RNF32: variants seen among roughly 807,000 people sequenced by gnomAD.
The protein encoded by RNF32 is ring finger protein 32.
A neutral mutation model predicts 41.0 loss-of-function variants in RNF32; 36 were observed. The ratio of observed to expected loss-of-function variants is 0.88; its 90% confidence interval spans 0.67 to 1.16. RNF32 has a LOEUF of 1.16. Among genes scored for constraint, RNF32 ranks in the 50% most tolerant of loss-of-function variants. The probability of loss-of-function intolerance (pLI) is 0.00; values close to 1 mark genes in which losing one functional copy is unlikely to be tolerated. For missense variants in RNF32, 413 were observed against 436.7 expected, an observed-to-expected ratio of 0.95 and a Z score of 0.48; for synonymous variants, 154 against 160.9, an observed-to-expected ratio of 0.96 and a Z score of 0.32.
intron 5 of RNF32, among the ~76,000 whole-genome samples, chr7:156,657,905 G>T (rs1482394160): frequency 6.6e-6 from 1 of 152,184 alleles, no homozygotes; most frequent in Non-Finnish European, 1.5e-5. Flanking sequence ...AGAAGTTTTT[G>T]ATGTCTCTGC....
intron 3 of RNF32, among the ~76,000 whole-genome samples, chr7:156,653,446 T>G (rs553649215): frequency 6.6e-6 from 1 of 152,348 alleles, no homozygotes; most frequent in East Asian, 1.9e-4. Flanking sequence ...GGACTGTATC[T>G]TAGCTTTCTC....
rs1020101196 is a variant in RNF32 at position 156,657,522 on chromosome 7, T to C, written c.418-19T>C. The C allele has an allele frequency of 8.1e-6, 13 of 1,613,906 alleles. No individual in the cohort carries two copies. The highest frequency in any genetic ancestry group is 1.3e-5 in the African/African-American group (1 of 74,944). Reference sequence around the variant, plus strand: ...TCTCTTTTGTAAACTTCAACGTCGTTCTGTTTCCTCATGAACAGGTGCTGC... The same window carrying C: ...TCTCTTTTGTAAACTTCAACGTCGTCCTGTTTCCTCATGAACAGGTGCTGC... On this transcript the variant is annotated intron_variant, in intron 4 of 8. Transcript: ENST00000317955.
At chr7:156,664,114 G>A (rs1291911095) in intron 7 of RNF32, among the ~76,000 whole-genome samples, 3 of 152,190 alleles carry the variant, frequency 2.0e-5, no homozygotes, top group African/African-American at 2.4e-5. Context: ...CAGTGCACAC[G>A]GCACATTGCG....
In RNF32 at chr7:156,669,352, A is replaced by C. The variant is rs1354157034; in HGVS notation, c.685-6344A>C. The C allele has an allele frequency of 6.6e-6, 1 of 152,276 alleles. No individual in the cohort carries two copies. Among genetic ancestry groups the C allele is most frequent in the African/African-American group, 2.4e-5 (1 of 41,468 alleles). 9.4% of individuals were successfully genotyped at this position (152,276 alleles called of 1,614,324 possible). On this transcript the variant is annotated intron_variant, in intron 7 of 8. Coordinates refer to ENST00000317955, the MANE Select transcript of RNF32 (RefSeq NM_030936.4). This position sits in a 1 kb window ranked among gnomAD's most constrained non-coding sequence, Gnocchi z 4.2. ...TCAAGAATAAGTGCCAGGAAGAAAAATGCAAAGAGAGGAAGGGGAGAGAGA... is the reference window on the plus strand; with the variant it reads ...TCAAGAATAAGTGCCAGGAAGAAAACTGCAAAGAGAGGAAGGGGAGAGAGA...
upstream of RNF32, chr7:156,640,451 C>A: frequency 2.7e-6 from 1 of 372,258 alleles, no homozygotes; most frequent in Non-Finnish European, 5.2e-6. Context: ...CCTGCACGCC[C>A]CCGTGCTTCA....
intron 1 of RNF32, among the ~76,000 whole-genome samples, chr7:156,642,525 C>T (rs59754085): frequency 6.6e-6 from 1 of 152,324 alleles, no homozygotes; most frequent in Admixed American, 6.5e-5. Context: ...CTTACTGCAT[C>T]GGGTATTGTC....
At position 156,669,247 on chromosome 7, in the gene RNF32, G is replaced by A. The variant is rs1801906173; in HGVS notation, c.685-6449G>A. On this transcript the variant is annotated intron_variant, in intron 7 of 8. Coordinates refer to ENST00000317955, the MANE Select transcript of RNF32 (RefSeq NM_030936.4). This position sits in a 1 kb window ranked among gnomAD's most constrained non-coding sequence, Gnocchi z 4.2. ...TCTAGGTGCATGTGGAGGCCGCTCGGGTGGTTCGCGCCTGCTGCAGGGCAC... is the reference window on the plus strand; with the variant it reads ...TCTAGGTGCATGTGGAGGCCGCTCGAGTGGTTCGCGCCTGCTGCAGGGCAC... 1 of 152,212 alleles carries A rather than the reference G, an allele frequency of 6.6e-6. No individual in the cohort carries two copies. The highest frequency in any genetic ancestry group is 2.4e-5 in the African/African-American group (1 of 41,436). The allele number at this position is 152,212 out of a possible 1,614,324, so 9.4% of individuals were successfully genotyped here.
chr7:156,666,181 G>A (rs574093774), intron 7 of RNF32, among the ~76,000 whole-genome samples: 1 of 152,278 alleles, frequency 6.6e-6, no homozygotes, highest in African/African-American at 2.4e-5. Flanking sequence ...ATATGTTTTA[G>A]GATCTCACCA....
At chr7:156,653,105 ACT>A (rs1482383992) in intron 3 of RNF32, among the ~76,000 whole-genome samples, 1 of 151,920 alleles carries the variant, frequency 6.6e-6, no homozygotes, top group Non-Finnish European at 1.5e-5. Context: ...TCACTCACTG[ACT>A]CACCCAGAGC....
At chr7:156,671,040 G>C (rs1383325831) in intron 7 of RNF32, among the ~76,000 whole-genome samples, 1 of 152,304 alleles carries the variant, frequency 6.6e-6, no homozygotes, top group Non-Finnish European at 1.5e-5. Context: ...GTATTGGTTC[G>C]AGGGATAAAA....
intron 7 of RNF32, among the ~76,000 whole-genome samples, chr7:156,666,553 G>A (rs1397420665): frequency 3.3e-5 from 5 of 152,228 alleles, no homozygotes. Flanking sequence ...GAAAAGGTCA[G>A]ATGTTGAGTT....
chr7:156,676,239 G>GTT, intron 8 of RNF32, 180 bp from the exon 9 acceptor site: 1 of 1,490,190 alleles, frequency 6.7e-7, no homozygotes, highest in South Asian at 1.2e-5. Context: ...CAGAGTATAT[G>GTT]TGTGTGTATA....
At chr7:156,646,572 T>A in intron 3 of RNF32, 3 of 1,185,536 alleles carry the variant, frequency 2.5e-6, no homozygotes, top group East Asian at 5.7e-5. Context: ...TGAATAAGAA[T>A]TTTGAGATGA....
chr7:156,658,652 T>C lies in RNF32; in HGVS notation c.684+82T>C, dbSNP rs148430315. 195 of 928,020 alleles carry C rather than the reference T, an allele frequency of 2.1e-4. 2 individuals carry two copies. The East Asian group carries it at 4.8e-3, about 23-fold the overall frequency. 57.5% of individuals were successfully genotyped at this position (928,020 alleles called of 1,614,324 possible). ...GGGTCAGGAAGGCTAACAGAGGTGG[T>C]AAAACTTTGAGACTTACTTCACTTT... On this transcript the variant is annotated intron_variant, in intron 7 of 8. Transcript: ENST00000317955.
At chr7:156,655,239 GCACACA>G (rs57235616) in intron 4 of RNF32, among the ~76,000 whole-genome samples, 2 of 148,526 alleles carry the variant, frequency 1.3e-5, no homozygotes, top group Admixed American at 6.7e-5. Context: ...ACACGCGCGC[GCACACA>G]CACACACACA....
At chr7:156,672,702 A>C (rs549314259) in intron 7 of RNF32, among the ~76,000 whole-genome samples, 9 of 152,208 alleles carry the variant, frequency 5.9e-5, no homozygotes, top group Non-Finnish European at 1.3e-4. Flanking sequence ...GTGACACTGT[A>C]ACATAAATGC....
In RNF32 at chr7:156,658,152, T is replaced by C. The variant is rs1800021271; in HGVS notation, c.475T>C (p.Phe159Leu). The change falls in exon 6 of 9, where the codon TTC (phenylalanine) becomes CTC (leucine). Residue 159 changes from phenylalanine to leucine, a missense_variant. Physicochemically the swap from Phe to Leu is conservative, Grantham distance 22. Transcript: ENST00000317955. ...GGCATGTCTTCAGGCTTTTGAAAAG[T>C]TCACAAATAAGAAAACCTGTCCTCT... is the stretch of plus-strand genomic sequence containing the variant. The part of the protein sequence containing the change: ...HKACLQAFEK[F>L]TNKKTCPLCR... 5.0e-6 allele frequency: 8 copies of C among 1,614,150 alleles called. No individual in the cohort carries two copies. Among genetic ancestry groups the C allele is most frequent in the Non-Finnish European group, 6.8e-6 (8 of 1,180,010 alleles).
chr7:156,668,104 C>A (rs1028186041), intron 7 of RNF32, among the ~76,000 whole-genome samples: 1 of 152,108 alleles, frequency 6.6e-6, no homozygotes, highest in Non-Finnish European at 1.5e-5. Flanking sequence ...ATGCTAAGGG[C>A]CTTACAAAGA....
At chr7:156,640,309 G>C, upstream of RNF32, 2 of 450,774 alleles carry the variant, frequency 4.4e-6, no homozygotes. Flanking sequence ...GCCACCGCAG[G>C]GAAACAACCG....
Sources: gnomAD v4.1 joint callset for allele counts (sites outside exome capture counted in the v4.1 genomes callset) on GRCh38, gnomAD v4.1.1 for gene constraint, Gnocchi (gnomAD v3.1) non-coding constraint, MANE v1.5 for transcripts, NCBI Gene and HGNC (gene_info 2026-07-23, HGNC 2026-07-21) for gene names.